Variants in NCKAP5 observed in about 807,000 individuals in gnomAD.
NCKAP5 encodes NCK associated protein 5.
A neutral mutation model predicts 167.0 loss-of-function variants in NCKAP5; 92 were observed. The ratio of observed to expected loss-of-function variants is 0.55; its 90% CI spans 0.47 to 0.66. The LOEUF is 0.66. Among genes scored for constraint, NCKAP5 ranks in the 30% least tolerant of loss-of-function variants. The pLI is 0.00. For synonymous variants in NCKAP5, 891 were observed against 877.4 expected (o/e 1.02, Z -0.27); for missense variants, 2,378 against 2,315.0 (o/e 1.03, Z -0.56).
At chr2:133,564,029 G>A (rs756948021) in intron 1 of NCKAP5, among the ~76,000 whole-genome samples, 5 of 152,114 alleles carry the variant, frequency 3.3e-5, no homozygotes, top group Non-Finnish European at 5.9e-5. Flanking sequence ...AGCTAACCAG[G>A]AGGCTGAAGC....
At chr2:133,013,299 T>A (rs76742519) in intron 6 of NCKAP5, among the ~76,000 whole-genome samples, 7,390 of 152,224 alleles carry the variant, frequency 0.049, 535 homozygotes, top group African/African-American at 0.16. Context: ...CTCCACACAT[T>A]TTCCACCTTT....
At position 133,349,949 on chromosome 2, in the gene NCKAP5, A is replaced by G. The variant is rs181667383; in HGVS notation, c.70-46839T>C. ...TTAAAATAATTTTAGGCTCACAAGA[A>G]GTTGTCAAATCATGGCAGAGATTTC... On this transcript the variant is annotated intron_variant, in intron 3 of 19. Coordinates refer to ENST00000409261, the MANE Select transcript of NCKAP5 (RefSeq NM_207363.3). Among the ~76,000 whole-genome samples, 333 of 152,322 alleles carry G rather than the reference A, an allele frequency of 2.2e-3. 1 individual carries two copies. The highest frequency in any genetic ancestry group is 4.2e-3 in the Non-Finnish European group (288 of 68,036).
chr2:133,656,208 A>C, the NCKAP5 span, among the ~76,000 whole-genome samples: 11 of 152,082 alleles, frequency 7.2e-5, no homozygotes, highest in Non-Finnish European at 1.5e-4. Context: ...AAGCTATTTG[A>C]CCTTGGGCAA....
chr2:133,363,114 A>G (rs935848560), intron 3 of NCKAP5, among the ~76,000 whole-genome samples: 1 of 152,000 alleles, frequency 6.6e-6, no homozygotes, highest in Non-Finnish European at 1.5e-5. Context: ...AGAAGTGGGG[A>G]CTAGATGATC....
At chr2:133,025,074 C>A (rs369288301) in intron 6 of NCKAP5, among the ~76,000 whole-genome samples, 1 of 152,312 alleles carries the variant, frequency 6.6e-6, no homozygotes, top group South Asian at 2.1e-4. Flanking sequence ...AATTACCACC[C>A]TAGAGAAACG....
intron 1 of NCKAP5, among the ~76,000 whole-genome samples, chr2:133,566,567 C>T (rs1400162999): frequency 1.3e-5 from 2 of 152,230 alleles, no homozygotes; most frequent in Non-Finnish European, 2.9e-5. Flanking sequence ...TACACCTGCA[C>T]ATAGCCCTGT....
At chr2:133,636,174 A>G in the NCKAP5 span, among the ~76,000 whole-genome samples, 3 of 152,228 alleles carry the variant, frequency 2.0e-5, no homozygotes, top group Admixed American at 6.5e-5. Context: ...CAGGACAAGA[A>G]TAGTCATGAG....
chr2:133,163,558 T>G (rs2083884444), intron 5 of NCKAP5, among the ~76,000 whole-genome samples: 3 of 152,194 alleles, frequency 2.0e-5, no homozygotes, highest in Admixed American at 1.3e-4. Context: ...GGAGTAAAAT[T>G]TCAGAATAAA....
At position 132,879,073 on chromosome 2, in the gene NCKAP5, C is replaced by T. The variant is rs534638991; in HGVS notation, c.580-157G>A. Among the ~76,000 whole-genome samples the T allele has an allele frequency of 5.6e-4, 85 of 152,252 alleles. 1 individual carries two copies. The highest frequency in any genetic ancestry group is 1.1e-3 in the Non-Finnish European group (74 of 68,020). The stretch of plus-strand genomic sequence containing the variant: ...TCACTCTAAGTACTATTATAAATAT[C>T]GCAGGGATGACTTCTGTCTTACCAA... On this transcript the variant is annotated intron_variant, in intron 8 of 19. Transcript: ENST00000409261.
intron 11 of NCKAP5, among the ~76,000 whole-genome samples, chr2:132,857,402 A>G (rs1278219930): frequency 1.3e-5 from 2 of 152,220 alleles, no homozygotes; most frequent in Non-Finnish European, 2.9e-5. Context: ...CTAAGTTACA[A>G]AAATAACTCA....
chr2:133,082,994 T>C (rs2149598930), intron 6 of NCKAP5, among the ~76,000 whole-genome samples: 1 of 152,174 alleles, frequency 6.6e-6, no homozygotes, highest in South Asian at 2.1e-4. Context: ...CAGATGAGAA[T>C]CAGGAGAGAT....
rs191943803 is a variant in NCKAP5 at position 133,014,046 on chromosome 2, C to T, written c.342-19807G>A. ...AAAGTCTTCTAACCTGTTTCCCTGA[C>T]TAGTGAGTCACTCCATCATCCTCAC... On this transcript the variant is annotated intron_variant, in intron 6 of 19. Coordinates refer to ENST00000409261, the MANE Select transcript of NCKAP5 (RefSeq NM_207363.3). 2.0e-5 allele frequency among the ~76,000 whole-genome samples: 3 copies of T among 152,308 alleles called. No homozygotes were observed. In the East Asian group the frequency reaches 5.8e-4, roughly 29 times the overall value.
chr2:132,778,641 A>G (rs901204446), intron 15 of NCKAP5, among the ~76,000 whole-genome samples: 40 of 152,182 alleles, frequency 2.6e-4, no homozygotes, highest in African/African-American at 9.4e-4. Flanking sequence ...TTCATCCAAA[A>G]TAACTTCTAT....
the NCKAP5 span, among the ~76,000 whole-genome samples, chr2:133,671,674 A>G: frequency 1.3e-5 from 2 of 152,140 alleles, no homozygotes; most frequent in Non-Finnish European, 2.9e-5. Flanking sequence ...CTCCATAACT[A>G]TAAGGAATTT....
chr2:133,340,341 A>C (rs1332134426), intron 3 of NCKAP5, among the ~76,000 whole-genome samples: 1 of 152,160 alleles, frequency 6.6e-6, no homozygotes, highest in Non-Finnish European at 1.5e-5. Flanking sequence ...ATGTGCAGAG[A>C]ACTAATCTCC....
chr2:133,308,123 C>G (rs1303493570), intron 3 of NCKAP5, among the ~76,000 whole-genome samples: 12 of 116,010 alleles, frequency 1.0e-4, no homozygotes, highest in African/African-American at 4.0e-4. Context: ...GAGTCTCGCT[C>G]TGTCGCCCAG....
chr2:133,188,535 T>G (rs147563479), intron 5 of NCKAP5, among the ~76,000 whole-genome samples: 2,111 of 152,108 alleles, frequency 0.014, 48 homozygotes, highest in African/African-American at 0.048. Context: ...TAGTTGGAAG[T>G]AAAGGACTCC....
chr2:133,330,269 G>C (rs1682761881), intron 3 of NCKAP5, among the ~76,000 whole-genome samples: 1 of 78,946 alleles, frequency 1.3e-5, no homozygotes, highest in Admixed American at 1.7e-4. Flanking sequence ...TTTTTTTGTA[G>C]AGATGGGGTT....
intron 3 of NCKAP5, among the ~76,000 whole-genome samples, chr2:133,405,103 C>T (rs1490044556): frequency 6.6e-6 from 1 of 152,184 alleles, no homozygotes; most frequent in African/African-American, 2.4e-5. Context: ...TCATTGCCAA[C>T]ATTGAATTAG....
Sources: allele counts gnomAD v4.1 joint callset (sites outside exome capture counted in the v4.1 genomes callset), GRCh38; gene constraint gnomAD v4.1.1; transcripts MANE v1.5; gene names NCBI Gene and HGNC (gene_info 2026-07-23, HGNC 2026-07-21).